OSBPL10: variants seen among roughly 807,000 people sequenced by gnomAD.
OSBPL10 encodes oxysterol binding protein like 10, also known as oxysterol-binding protein-related protein 10.
In OSBPL10, 49 loss-of-function variants were observed where a neutral mutation model predicts 81.7. The ratio of observed to expected loss-of-function variants is 0.60; its 90% CI spans 0.48 to 0.76. The LOEUF is 0.76. OSBPL10 is among the 30% of genes least tolerant of loss of function. The probability of loss-of-function intolerance (pLI) is 0.00; values close to 1 mark genes in which losing one functional copy is unlikely to be tolerated. For missense variants in OSBPL10, 923 were observed against 987.8 expected, an observed-to-expected ratio of 0.93 and a Z score of 0.88; for synonymous variants, 419 against 383.6, an observed-to-expected ratio of 1.09 and a Z score of -1.08.
chr3:31,975,553 G>A (rs1482607748), intron 1 of OSBPL10, among the ~76,000 whole-genome samples: 2 of 152,144 alleles, frequency 1.3e-5, no homozygotes, highest in Admixed American at 6.5e-5. Context: ...CTGGATATTT[G>A]GTCACTAATG....
At chr3:32,043,480 C>T (rs2167384) in intron 2 of OSBPL10, among the ~76,000 whole-genome samples, 111,392 of 152,152 alleles carry the variant, frequency 0.73, 42,387 homozygotes, top group East Asian at 0.91. Context: ...CCTCAGCTTA[C>T]GAAGATAACA....
In OSBPL10 at chr3:31,853,975, T is replaced by C. The variant is rs561069860; in HGVS notation, c.537+22458A>G. Among the ~76,000 whole-genome samples the C allele has an allele frequency of 5.4e-4, 83 of 152,342 alleles. 1 individual carries two copies. In the South Asian group the frequency reaches 0.016, roughly 28 times the overall value. On this transcript the variant is annotated intron_variant, in intron 3 of 11. Transcript: ENST00000396556. The stretch of plus-strand genomic sequence containing the variant: ...CAAGACATATCTTATAAGGATATTG[T>C]AAGGATTAAACTAAATAATATCTAT...
chr3:31,754,414 C>A (rs974268265), intron 4 of OSBPL10, among the ~76,000 whole-genome samples: 1 of 152,052 alleles, frequency 6.6e-6, no homozygotes, highest in East Asian at 1.9e-4. Flanking sequence ...GAAGAGGGAT[C>A]CAGCTCCAGT....
chr3:31,935,936 A>G (rs1176493477), intron 1 of OSBPL10, among the ~76,000 whole-genome samples: 1 of 152,218 alleles, frequency 6.6e-6, no homozygotes, highest in Non-Finnish European at 1.5e-5. Flanking sequence ...AGGATCTGAT[A>G]TGTTTTTACT....
At chr3:31,846,174 C>A (rs531146049) in intron 3 of OSBPL10, among the ~76,000 whole-genome samples, 1 of 152,086 alleles carries the variant, frequency 6.6e-6, no homozygotes, top group Non-Finnish European at 1.5e-5. Context: ...CACCACACTA[C>A]GCTAATTTTT....
chr3:31,760,933 G>C (rs1251263198), intron 4 of OSBPL10, among the ~76,000 whole-genome samples: 1 of 151,282 alleles, frequency 6.6e-6, no homozygotes, highest in African/African-American at 2.4e-5. Context: ...ACTTTAAAAA[G>C]ATTTTGTGAA....
intron 3 of OSBPL10, among the ~76,000 whole-genome samples, chr3:31,841,749 G>T (rs1038643118): frequency 2.0e-5 from 3 of 152,120 alleles, no homozygotes; most frequent in Admixed American, 6.5e-5. Flanking sequence ...GCTGAGCTGG[G>T]TATTTACTAA....
At chr3:31,714,303 A>G (rs1286280213) in intron 6 of OSBPL10, among the ~76,000 whole-genome samples, 2 of 152,178 alleles carry the variant, frequency 1.3e-5, no homozygotes, top group African/African-American at 4.8e-5. Context: ...CACCCTGGAC[A>G]CTGCAGCCTT....
chr3:31,731,488 CTT>C (rs202094117), intron 6 of OSBPL10, among the ~76,000 whole-genome samples: 38 of 142,304 alleles, frequency 2.7e-4, no homozygotes, highest in Admixed American at 5.6e-4. Context: ...TTATTTCTTT[CTT>C]TTTTTTTTTT....
chr3:31,890,236 G>A (rs974900551), intron 1 of OSBPL10, among the ~76,000 whole-genome samples: 1 of 150,198 alleles, frequency 6.7e-6, no homozygotes, highest in Admixed American at 6.7e-5. Context: ...AAACACCTGA[G>A]CACCCACACA....
intron 1 of OSBPL10, among the ~76,000 whole-genome samples, chr3:32,052,390 G>A (rs1024389493): frequency 5.3e-5 from 8 of 152,178 alleles, no homozygotes; most frequent in Non-Finnish European, 1.0e-4. Context: ...GTGGAAGACA[G>A]TGTGGTGATT....
chr3:31,895,016 C>G (rs1351735996), intron 1 of OSBPL10, among the ~76,000 whole-genome samples: 2 of 152,144 alleles, frequency 1.3e-5, no homozygotes, highest in African/African-American at 4.8e-5. Flanking sequence ...AAGCAGAAAG[C>G]TGGAAGGAGC....
chr3:31,945,096 A>G (rs2125432605), intron 1 of OSBPL10, among the ~76,000 whole-genome samples: 1 of 149,116 alleles, frequency 6.7e-6, no homozygotes, highest in South Asian at 2.2e-4. Flanking sequence ...GGTTGCAGTG[A>G]ACCAAGATTG....
At position 32,064,049 on chromosome 3, in the gene OSBPL10, G is replaced by A. The variant is rs548654028; in HGVS notation, n.185+13347C>T. 8 of 92,654 alleles carry A rather than the reference G, an allele frequency of 8.6e-5. 3 individuals are homozygous for A. The East Asian group carries it at 2.0e-3, about 23-fold the overall frequency. The allele number at this position is 92,654 out of a possible 1,614,324, so 5.7% of individuals were successfully genotyped here. A position where few individuals can be genotyped will look rare whatever the true frequency, so the allele number is the denominator to read the frequency against. On this transcript the variant is annotated intron_variant and non_coding_transcript_variant, in intron 1 of 3. Coordinates refer to the OSBPL10 transcript ENST00000479173. ...CATGCTCACAGCTTACTGCAGTGTC[G>A]ACCTCCTAGGCTCAAGCAATCCTCC...
At chr3:31,815,711 G>A (rs1478218668) in intron 4 of OSBPL10, among the ~76,000 whole-genome samples, 2 of 152,072 alleles carry the variant, frequency 1.3e-5, no homozygotes, top group Admixed American at 6.6e-5. Flanking sequence ...AGCCCCTGGC[G>A]GTGGCAGGAA....
intron 3 of OSBPL10, among the ~76,000 whole-genome samples, chr3:31,839,838 G>A (rs1465655672): frequency 7.7e-6 from 1 of 129,392 alleles, no homozygotes; most frequent in Non-Finnish European, 1.7e-5. Flanking sequence ...AGGCAAGCCA[G>A]ATGCCTGGTA....
intron 2 of OSBPL10, among the ~76,000 whole-genome samples, chr3:32,005,916 TTTTACTTTATTTA>T (rs1196554180): frequency 6.6e-6 from 1 of 151,686 alleles, no homozygotes; most frequent in Non-Finnish European, 1.5e-5. Flanking sequence ...TGGTGTCTTG[TTTTACTTTATTTA>T]TTTATTTTAT....
At position 31,980,925 on chromosome 3, in the gene OSBPL10, G is replaced by A; in HGVS notation, c.255C>T (p.Thr85=). ...TGTTCTGCCAGCCCTGGAGGAGGTT[G>A]GTGTATTTGCTGAGCACGCCCTCGA... ...PALEGVLSKY[T]NLLQGWQNRY... Residue 85 remains threonine, a synonymous_variant, in exon 1 of 12, where the codon ACC becomes ACT. Transcript: ENST00000396556. 6.3e-7 allele frequency: 1 copy of A among 1,581,100 alleles called. No individual in the cohort carries two copies. Among genetic ancestry groups the A allele is most frequent in the Non-Finnish European group, 8.6e-7 (1 of 1,166,998 alleles).
At chr3:31,993,049 G>T (rs1290638193) in intron 2 of OSBPL10, among the ~76,000 whole-genome samples, 1 of 151,950 alleles carries the variant, frequency 6.6e-6, no homozygotes, top group African/African-American at 2.4e-5. Context: ...AAAAGATATG[G>T]GTAAGGAAAT....
Sources: gnomAD v4.1 joint callset for allele counts (sites outside exome capture counted in the v4.1 genomes callset) on GRCh38, gnomAD v4.1.1 for gene constraint, MANE v1.5 for transcripts, NCBI Gene and HGNC (gene_info 2026-07-23, HGNC 2026-07-21) for gene names.